Variants in ZDHHC7 observed in about 807,000 individuals in gnomAD.
The protein encoded by ZDHHC7 is palmitoyltransferase ZDHHC7.
In ZDHHC7, 12 loss-of-function variants were observed where a neutral mutation model predicts 34.1. The observed-to-expected ratio is 0.35, with a 90% CI of 0.23 to 0.57. The LOEUF (loss-of-function observed/expected upper bound fraction) is 0.57, where lower values mean the gene tolerates loss of function less well. Ranked by LOEUF, ZDHHC7 falls within the 20% of genes least tolerant of loss-of-function variation. ZDHHC7 has a pLI of 0.84. For synonymous variants in ZDHHC7, 185 were observed against 155.4 expected, an observed-to-expected ratio of 1.19 and a Z score of -1.42; for missense variants, 388 against 402.7, an observed-to-expected ratio of 0.96 and a Z score of 0.31.
At chr16:85,010,888 G>A (rs796656017) in intron 1 of ZDHHC7, among the ~76,000 whole-genome samples, 11 of 152,350 alleles carry the variant, frequency 7.2e-5, no homozygotes, top group South Asian at 2.1e-4. Context: ...AAGCCACAAC[G>A]CGAAGTGCGA....
intron 2 of ZDHHC7, among the ~76,000 whole-genome samples, chr16:84,993,519 A>G (rs9937782): frequency 0.29 from 43,610 of 151,386 alleles, 6,531 homozygotes; most frequent in African/African-American, 0.35. Flanking sequence ...GCACACACCT[A>G]TAGTCCCAGC....
At chr16:84,988,728 G>T in intron 3 of ZDHHC7, 2 of 1,542,164 alleles carry the variant, frequency 1.3e-6, no homozygotes, top group South Asian at 1.2e-5. Context: ...TCCCAGCCAG[G>T]CTGACCCTCC....
chr16:85,013,566 G>A (rs756790233), upstream of ZDHHC7, among the ~76,000 whole-genome samples: 3 of 151,940 alleles, frequency 2.0e-5, no homozygotes, highest in Admixed American at 6.6e-5. Flanking sequence ...TTTGTCGAAG[G>A]TACTATGTGA....
At chr16:85,019,003 C>T in the ZDHHC7 span, among the ~76,000 whole-genome samples, 1 of 152,198 alleles carries the variant, frequency 6.6e-6, no homozygotes, top group Non-Finnish European at 1.5e-5. Context: ...CTCACCTCCG[C>T]TGTAGGTGGA....
chr16:85,006,732 C>CCT (rs77738082), intron 1 of ZDHHC7, among the ~76,000 whole-genome samples: 25,267 of 151,946 alleles, frequency 0.17, 2,143 homozygotes, highest in Middle Eastern at 0.21. Context: ...AGAATAACAC[C>CCT]GTCTCAAAAA....
intron 3 of ZDHHC7, among the ~76,000 whole-genome samples, chr16:84,987,679 G>A (rs528005392): frequency 9.9e-5 from 15 of 152,212 alleles, no homozygotes; most frequent in Non-Finnish European, 2.1e-4. Context: ...TGTAACAGCC[G>A]AAAAGCAGAA....
chr16:84,984,339 T>G (rs2072409572), intron 3 of ZDHHC7, among the ~76,000 whole-genome samples: 1 of 152,186 alleles, frequency 6.6e-6, no homozygotes, highest in South Asian at 2.1e-4. Context: ...TCAATCAACT[T>G]TCCTCCAACA....
At chr16:84,976,951 C>T (rs1266351883) in intron 7 of ZDHHC7, 144 bp downstream of exon 7, 22 of 1,246,080 alleles carry the variant, frequency 1.8e-5, no homozygotes, top group Middle Eastern at 2.9e-4. Flanking sequence ...AAACAGCAAA[C>T]ACAGGGAGCT....
chr16:84,991,037 A>C (rs1303808023), intron 2 of ZDHHC7, among the ~76,000 whole-genome samples: 1 of 152,094 alleles, frequency 6.6e-6, no homozygotes, highest in African/African-American at 2.4e-5. Context: ...CAGCTCACCT[A>C]AATGCTCCCA....
upstream of ZDHHC7, among the ~76,000 whole-genome samples, chr16:85,011,976 C>A (rs188503089): frequency 4.1e-4 from 63 of 152,288 alleles, 1 homozygote; most frequent in African/African-American, 9.6e-4. Context: ...GGATTGGAGG[C>A]CTGACTCCTG....
intron 1 of ZDHHC7, among the ~76,000 whole-genome samples, chr16:85,004,477 C>G (rs1163062801): frequency 3.9e-5 from 6 of 152,212 alleles, no homozygotes; most frequent in African/African-American, 1.4e-4. Flanking sequence ...GATCATGTCA[C>G]TCCCCTCCCT....
chr16:85,015,012 A>C (rs1006054759), upstream of ZDHHC7, among the ~76,000 whole-genome samples: 1 of 152,092 alleles, frequency 6.6e-6, no homozygotes, highest in Admixed American at 6.6e-5. Flanking sequence ...CCTGGAGCCA[A>C]TAGAAAGGAA....
upstream of ZDHHC7, among the ~76,000 whole-genome samples, chr16:85,013,874 G>C (rs1381274625): frequency 6.6e-6 from 1 of 151,826 alleles, no homozygotes; most frequent in Non-Finnish European, 1.5e-5. Context: ...TTTTAGTAGA[G>C]ACGGGGTTTC....
In ZDHHC7 at chr16:84,976,123, C is replaced by G; in HGVS notation, c.*220G>C. On this transcript the variant is annotated 3_prime_UTR_variant, in exon 8 of 8. Coordinates refer to ENST00000313732, the MANE Select transcript of ZDHHC7 (RefSeq NM_017740.3). ...AGGAGGCCACGGCGTTTGGCTTCTT[C>G]GTGTGGCCACACACCTTTCCGTTGT... The G allele has an allele frequency of 1.7e-6, 1 of 593,524 alleles. No homozygotes were observed. The highest frequency in any genetic ancestry group is 1.9e-5 in the African/African-American group (1 of 51,618). The allele number at this position is 593,524 out of a possible 1,614,324, so 36.8% of individuals were successfully genotyped here.
Position 84,995,363 on chromosome 16 carries a change from C to T in ZDHHC7, c.-18+559G>A, listed in dbSNP as rs568049072. On this transcript the variant is annotated intron_variant, in intron 2 of 7. Transcript: ENST00000313732. ...GTTTCAGGCCGGGCACAGTGGCTCACGCCTGTAATCCCAGCACTTTGGGAG... is the reference window on the plus strand; with the variant it reads ...GTTTCAGGCCGGGCACAGTGGCTCATGCCTGTAATCCCAGCACTTTGGGAG... Among the ~76,000 whole-genome samples the T allele has an allele frequency of 1.2e-4, 18 of 152,350 alleles. No individual in the cohort carries two copies. In the South Asian group the frequency reaches 2.9e-3, roughly 25 times the overall value.
intron 4 of ZDHHC7, 125 bp from the exon 5 acceptor site, chr16:84,979,410 TCATACA>T: frequency 7.6e-7 from 1 of 1,314,860 alleles, no homozygotes. Context: ...TCAAAAAATA[TCATACA>T]TTCTCACTAT....
chr16:84,988,614 G>T (rs574574891), intron 3 of ZDHHC7: 10 of 692,290 alleles, frequency 1.4e-5, no homozygotes, highest in Admixed American at 7.6e-5. Flanking sequence ...GAGCAGGAGC[G>T]GGGTGGGAGC....
chr16:85,007,683 A>T (rs986942597), intron 1 of ZDHHC7, among the ~76,000 whole-genome samples: 4 of 152,054 alleles, frequency 2.6e-5, no homozygotes, highest in Non-Finnish European at 5.9e-5. Context: ...GGATATTCGA[A>T]GACATTTTAG....
At chr16:85,025,858 C>T in the ZDHHC7 span, among the ~76,000 whole-genome samples, 22 of 152,164 alleles carry the variant, frequency 1.4e-4, no homozygotes, top group African/African-American at 5.1e-4. Context: ...ATAAGGTTAA[C>T]CTAGTGTGAC....
Sources: allele counts gnomAD v4.1 joint callset (sites outside exome capture counted in the v4.1 genomes callset), GRCh38; gene constraint gnomAD v4.1.1; transcripts MANE v1.5; gene names NCBI Gene and HGNC (gene_info 2026-07-23, HGNC 2026-07-21).